Variants in IPCEF1 observed in about 807,000 individuals in gnomAD.
The protein encoded by IPCEF1 is interactor protein for cytohesin exchange factors 1.
IPCEF1 carries 31 observed loss-of-function variants against 50.9 expected under a neutral mutation model. The observed-to-expected ratio is 0.61, with a 90% CI of 0.46 to 0.82. The LOEUF (loss-of-function observed/expected upper bound fraction) is 0.82. IPCEF1 is among the 40% of genes least tolerant of loss of function. The pLI is 0.00. For missense variants in IPCEF1, 458 were observed against 514.0 expected, an observed-to-expected ratio of 0.89 and a Z score of 1.05; for synonymous variants, 181 against 192.0, an observed-to-expected ratio of 0.94 and a Z score of 0.47.
Position 154,285,704 on chromosome 6 carries a change from A to T in IPCEF1, c.-18+4009T>A, listed in dbSNP as rs1011753206. On this transcript the variant is annotated intron_variant, in intron 2 of 11. Transcript: ENST00000367220. ...CAAAAATTATGAGCCTTCAAGAAGA[A>T]AATATATGTGGTCATCTATTTCTTC... Among the ~76,000 whole-genome samples, 4 of 152,332 alleles carry T rather than the reference A, an allele frequency of 2.6e-5. No homozygotes were observed. The East Asian group carries it at 7.7e-4, about 29-fold the overall frequency.
chr6:154,333,484 C>T (rs533055734), intron 1 of IPCEF1, among the ~76,000 whole-genome samples: 1 of 152,016 alleles, frequency 6.6e-6, no homozygotes, highest in East Asian at 1.9e-4. Flanking sequence ...CCTAGCTCCT[C>T]AGCTTCAGAC....
intron 3 of IPCEF1, among the ~76,000 whole-genome samples, chr6:154,264,330 A>G (rs1033142855): frequency 4.0e-5 from 6 of 151,892 alleles, no homozygotes; most frequent in African/African-American, 1.5e-4. Flanking sequence ...CAGTTGAGTT[A>G]ATTTTTATAT....
At position 154,221,313 on chromosome 6, in the gene IPCEF1, G is replaced by A. The variant is rs763812907; in HGVS notation, c.336C>T (p.Ser112=). ...ECKKKHAFKI[S]HPQIKTFYFA... ...AATAAAAGGTCTTGATCTGTGGATG[G>A]CTGATCTTAAAAGCACTTGAAGGAG... is the stretch of plus-strand genomic sequence containing the variant. Residue 112 remains serine (S), a synonymous_variant, in exon 7 of 12, where the codon AGC becomes AGT. Coordinates refer to ENST00000367220, the MANE Select transcript of IPCEF1 (RefSeq NM_001130700.2). 6.2e-7 allele frequency: 1 copy of A among 1,613,762 alleles called. No individual in the cohort carries two copies. The highest frequency in any genetic ancestry group is 8.5e-7 in the Non-Finnish European group (1 of 1,179,822).
intron 1 of IPCEF1, chr6:154,306,843 AT>A (rs1203121816): frequency 1.3e-5 from 2 of 151,828 alleles, no homozygotes; most frequent in Non-Finnish European, 1.5e-5. Context: ...ACTGAATCTC[AT>A]TTTTTTTGTA....
chr6:154,355,755 C>T (rs1210897934), intron 1 of IPCEF1, among the ~76,000 whole-genome samples: 1 of 151,982 alleles, frequency 6.6e-6, no homozygotes, highest in Non-Finnish European at 1.5e-5. Flanking sequence ...TCCCAAAGTG[C>T]TGGGATTACA....
intron 1 of IPCEF1, among the ~76,000 whole-genome samples, chr6:154,326,232 A>AAAG (rs1562290401): frequency 1.3e-5 from 2 of 151,922 alleles, no homozygotes; most frequent in African/African-American, 4.8e-5. Flanking sequence ...AAAAAAAAAA[A>AAAG]AAAAGAAAAG....
At chr6:154,331,858 G>A (rs1783680208) in intron 1 of IPCEF1, among the ~76,000 whole-genome samples, 1 of 152,154 alleles carries the variant, frequency 6.6e-6, no homozygotes, top group Admixed American at 6.5e-5. Context: ...ATCAAGGGAG[G>A]AGAGACACAA....
At chr6:154,223,820 G>A (rs1285565700) in intron 5 of IPCEF1, among the ~76,000 whole-genome samples, 2 of 152,078 alleles carry the variant, frequency 1.3e-5, no homozygotes, top group African/African-American at 4.8e-5. Context: ...AGGGCCTTGG[G>A]GATTAAATCA....
intron 1 of IPCEF1, among the ~76,000 whole-genome samples, chr6:154,310,961 A>G (rs572098208): frequency 6.6e-6 from 1 of 152,244 alleles, no homozygotes; most frequent in South Asian, 2.1e-4. Flanking sequence ...GAACACAGTT[A>G]ATAATAATGT....
chr6:154,204,015 T>C (rs1777283155), intron 9 of IPCEF1, among the ~76,000 whole-genome samples: 1 of 152,208 alleles, frequency 6.6e-6, no homozygotes. Context: ...AGTTAGTGAT[T>C]AATAATTGTA....
intron 1 of IPCEF1, among the ~76,000 whole-genome samples, chr6:154,344,935 G>T (rs967724921): frequency 6.6e-6 from 1 of 152,144 alleles, no homozygotes; most frequent in South Asian, 2.1e-4. Flanking sequence ...ACCCAGGTTG[G>T]TGTGCAGTGG....
chr6:154,344,440 C>T (rs939536589), intron 1 of IPCEF1, among the ~76,000 whole-genome samples: 17 of 152,296 alleles, frequency 1.1e-4, no homozygotes, highest in Admixed American at 9.8e-4. Flanking sequence ...CTCATTCACA[C>T]ACATTATCTT....
At chr6:154,302,625 C>T (rs1782825920) in intron 1 of IPCEF1, among the ~76,000 whole-genome samples, 1 of 152,104 alleles carries the variant, frequency 6.6e-6, no homozygotes, top group Admixed American at 6.5e-5. Flanking sequence ...TAGACATGTG[C>T]CACCACGCCT....
intron 3 of IPCEF1, among the ~76,000 whole-genome samples, chr6:154,251,000 T>C (rs1266732189): frequency 6.6e-6 from 1 of 152,146 alleles, no homozygotes; most frequent in East Asian, 1.9e-4. Context: ...GTTAGGGATG[T>C]TCTTCCAGAA....
chr6:154,302,712 C>T (rs536801719), intron 1 of IPCEF1, among the ~76,000 whole-genome samples: 5 of 152,028 alleles, frequency 3.3e-5, no homozygotes, highest in South Asian at 2.1e-4. Flanking sequence ...TGAGCTTGAG[C>T]GATCCCCCAG....
chr6:154,194,990 C>T (rs1472941178), intron 10 of IPCEF1, among the ~76,000 whole-genome samples: 2 of 152,066 alleles, frequency 1.3e-5, no homozygotes. Flanking sequence ...CAGTCTTCAC[C>T]CTGATAGGCA....
At chr6:154,180,514 C>G (rs1800779930) in intron 10 of IPCEF1, among the ~76,000 whole-genome samples, 1 of 151,618 alleles carries the variant, frequency 6.6e-6, no homozygotes, top group African/African-American at 2.4e-5. Flanking sequence ...CAAGACCCTG[C>G]CAAATGAATG....
At chr6:154,187,730 C>T (rs1443515004) in intron 10 of IPCEF1, among the ~76,000 whole-genome samples, 3 of 152,188 alleles carry the variant, frequency 2.0e-5, no homozygotes, top group Admixed American at 6.5e-5. Context: ...GCTGTGGAGT[C>T]AAACAGAACT....
intron 2 of IPCEF1, among the ~76,000 whole-genome samples, chr6:154,285,602 T>G (rs553836067): frequency 1.4e-4 from 22 of 152,318 alleles, no homozygotes; most frequent in African/African-American, 5.3e-4. Flanking sequence ...ATATAAGTAT[T>G]CTTTCAGCTA....
Sources: allele counts gnomAD v4.1 joint callset (sites outside exome capture counted in the v4.1 genomes callset), GRCh38; gene constraint gnomAD v4.1.1; transcripts MANE v1.5; gene names NCBI Gene and HGNC (gene_info 2026-07-23, HGNC 2026-07-21).